Variants in EDIL3 observed in about 807,000 individuals in gnomAD.
EDIL3 encodes the protein EGF like and discoidin domains 3.
Under a neutral mutation model 67.4 loss-of-function variants are expected in EDIL3, and 37 were observed. The ratio of observed to expected loss-of-function variants is 0.55; its 90% confidence interval spans 0.42 to 0.72. The LOEUF (loss-of-function observed/expected upper bound fraction) is 0.72. Among genes scored for constraint, EDIL3 ranks in the 30% least tolerant of loss-of-function variants. The pLI, the probability that EDIL3 is intolerant of heterozygous loss-of-function variation, is 0.00. For missense variants in EDIL3, 527 were observed against 586.3 expected, an observed-to-expected ratio of 0.90 and a Z score of 1.04; for synonymous variants, 195 against 196.3, an observed-to-expected ratio of 0.99 and a Z score of 0.05.
At chr5:84,270,017 A>AAGC (rs913932961) in intron 1 of EDIL3, among the ~76,000 whole-genome samples, 1 of 152,230 alleles carries the variant, frequency 6.6e-6, no homozygotes, top group African/African-American at 2.4e-5. Context: ...AAGTTGGAGT[A>AAGC]AGCGAGAGAA....
chr5:84,075,207 G>A (rs1045985511), intron 6 of EDIL3, among the ~76,000 whole-genome samples: 1 of 151,806 alleles, frequency 6.6e-6, no homozygotes, highest in Non-Finnish European at 1.5e-5. Context: ...TGTGGGGTGG[G>A]GGGAGTGGGG....
At chr5:84,165,705 G>A (rs1748693010) in intron 4 of EDIL3, among the ~76,000 whole-genome samples, 1 of 152,086 alleles carries the variant, frequency 6.6e-6, no homozygotes, top group Non-Finnish European at 1.5e-5. Flanking sequence ...AATCTTGATG[G>A]AAAGCACTGT....
intron 10 of EDIL3, among the ~76,000 whole-genome samples, chr5:83,945,848 TCA>T (rs1409464435): frequency 1.3e-5 from 2 of 151,964 alleles, no homozygotes; most frequent in Non-Finnish European, 2.9e-5. Flanking sequence ...TATACTAGAA[TCA>T]CAGAATTTAC....
chr5:84,190,603 AT>A (rs1459618426), intron 3 of EDIL3, among the ~76,000 whole-genome samples: 18 of 137,288 alleles, frequency 1.3e-4, no homozygotes, highest in African/African-American at 3.7e-4. Flanking sequence ...ATATATATAT[AT>A]AATAAACAAA....
chr5:84,384,560 A>T lies in EDIL3; in HGVS notation c.-186T>A, dbSNP rs1399478647. On this transcript the variant is annotated 5_prime_UTR_variant, in exon 1 of 11. Transcript: ENST00000296591. ...GGCGAGAGTGGTGACTAAAGAGAGG[A>T]GCCTTTCCTCCCCTTTTGCCTGCGC... 3.9e-6 allele frequency: 2 copies of T among 508,032 alleles called. No individual in the cohort carries two copies. Among genetic ancestry groups the T allele is most frequent in the East Asian group, 7.0e-5 (2 of 28,650 alleles). The allele number at this position is 508,032 out of a possible 1,614,324, so 31.5% of individuals were successfully genotyped here. A position where few individuals can be genotyped will look rare whatever the true frequency, so the allele number is the denominator to read the frequency against.
intron 6 of EDIL3, among the ~76,000 whole-genome samples, chr5:84,077,982 T>TA (rs79777633): frequency 0.36 from 54,333 of 151,776 alleles, 10,012 homozygotes; most frequent in East Asian, 0.45. Flanking sequence ...GCAATTTTGT[T>TA]AAAAAAAGAT....
intron 9 of EDIL3, among the ~76,000 whole-genome samples, chr5:83,995,232 A>G (rs972475548): frequency 3.3e-5 from 5 of 151,864 alleles, no homozygotes; most frequent in Admixed American, 1.3e-4. Flanking sequence ...ATGATACCCT[A>G]CAGACCATCC....
intron 9 of EDIL3, among the ~76,000 whole-genome samples, chr5:84,044,823 C>A (rs540691211): frequency 6.6e-6 from 1 of 152,250 alleles, no homozygotes; most frequent in East Asian, 1.9e-4. Context: ...AGAGCCAGGG[C>A]AGTTCCTGAA....
intron 4 of EDIL3, among the ~76,000 whole-genome samples, chr5:84,169,534 C>T (rs1419894631): frequency 6.6e-6 from 1 of 151,656 alleles, no homozygotes; most frequent in Non-Finnish European, 1.5e-5. Flanking sequence ...CCTTTTATAA[C>T]CACACTCACT....
chr5:84,162,418 T>C (rs915912910), intron 4 of EDIL3, among the ~76,000 whole-genome samples: 2 of 152,096 alleles, frequency 1.3e-5, no homozygotes, highest in African/African-American at 2.4e-5. Flanking sequence ...ATTCTCTAGT[T>C]TCTTTTGACA....
intron 1 of EDIL3, among the ~76,000 whole-genome samples, chr5:84,356,879 ATCTT>A (rs1285198295): frequency 9.5e-6 from 1 of 105,022 alleles, no homozygotes; most frequent in East Asian, 2.4e-4. Flanking sequence ...TGAGAAAACA[ATCTT>A]TCTTTCTTTT....
chr5:84,154,952 G>A (rs901510846), intron 4 of EDIL3, among the ~76,000 whole-genome samples: 4 of 151,968 alleles, frequency 2.6e-5, no homozygotes, highest in Non-Finnish European at 5.9e-5. Context: ...CTCCTGCCTC[G>A]GCGTCCCAAA....
intron 4 of EDIL3, among the ~76,000 whole-genome samples, chr5:84,164,797 T>C (rs1748676443): frequency 6.6e-6 from 1 of 152,056 alleles, no homozygotes; most frequent in Non-Finnish European, 1.5e-5. Flanking sequence ...AGGAGAAATA[T>C]ATAAATAAAT....
At chr5:84,321,501 G>C (rs1746648895) in intron 1 of EDIL3, among the ~76,000 whole-genome samples, 1 of 152,120 alleles carries the variant, frequency 6.6e-6, no homozygotes, top group Non-Finnish European at 1.5e-5. Flanking sequence ...GAACTATTGA[G>C]TCTATGAAAG....
At chr5:84,298,973 C>A (rs998634655) in intron 1 of EDIL3, among the ~76,000 whole-genome samples, 1 of 152,170 alleles carries the variant, frequency 6.6e-6, no homozygotes, top group African/African-American at 2.4e-5. Context: ...CATTTGCGAG[C>A]TGCTTACTGA....
chr5:84,006,213 T>C (rs2112174889), intron 9 of EDIL3, among the ~76,000 whole-genome samples: 1 of 151,956 alleles, frequency 6.6e-6, no homozygotes, highest in Admixed American at 6.6e-5. Flanking sequence ...GAAAAAACAT[T>C]CCATGCTCAA....
Position 84,062,657 on chromosome 5 carries a change from A to G in EDIL3, c.952+2043T>C, listed in dbSNP as rs78222062. 5.8e-3 allele frequency among the ~76,000 whole-genome samples: 880 copies of G among 152,234 alleles called. 12 individuals are homozygous for G. Among genetic ancestry groups the G allele is most frequent in the African/African-American group, 0.02 (846 of 41,568 alleles). On this transcript the variant is annotated intron_variant, in intron 8 of 10. Transcript: ENST00000296591. ...GTGTATTTAGGAGATGATCTTCAAA[A>G]GTGTTTGAGAAGAGATTACCTGCTC...
chr5:84,097,124 C>T (rs1036738333), intron 6 of EDIL3, among the ~76,000 whole-genome samples: 1 of 152,226 alleles, frequency 6.6e-6, no homozygotes. Flanking sequence ...CACCAAGTGA[C>T]CCATGGTTTC....
At chr5:84,249,377 T>TTCTATCTATCTA (rs72278901) in intron 2 of EDIL3, among the ~76,000 whole-genome samples, 6 of 144,286 alleles carry the variant, frequency 4.2e-5, no homozygotes, top group East Asian at 2.1e-4. Context: ...CAACATATCT[T>TTCTATCTATCTA]TCTATCTATC....
Sources: allele counts gnomAD v4.1 joint callset (sites outside exome capture counted in the v4.1 genomes callset), GRCh38; gene constraint gnomAD v4.1.1; transcripts MANE v1.5; gene names NCBI Gene and HGNC (gene_info 2026-07-23, HGNC 2026-07-21).